PTPRG: variants seen among roughly 807,000 people sequenced by gnomAD.
PTPRG encodes receptor-type tyrosine-protein phosphatase gamma.
In PTPRG, 102 loss-of-function variants were observed where a neutral mutation model predicts 165.3. The ratio of observed to expected loss-of-function variants is 0.62; its 90% CI spans 0.53 to 0.73. PTPRG has a LOEUF of 0.73. Among genes scored for constraint, PTPRG ranks in the 30% least tolerant of loss-of-function variants. The pLI is 0.00. For missense variants in PTPRG, 1,866 were observed against 1,861.4 expected, an observed-to-expected ratio of 1.00 and a Z score of -0.05; for synonymous variants, 675 against 669.5, an observed-to-expected ratio of 1.01 and a Z score of -0.13.
chr3:61,599,524 G>C (rs1176060554), intron 1 of PTPRG, among the ~76,000 whole-genome samples: 3 of 152,042 alleles, frequency 2.0e-5, no homozygotes, highest in Non-Finnish European at 4.4e-5. Flanking sequence ...ACAGGGTCTA[G>C]CTCTGTCGTC....
At chr3:61,883,234 G>T (rs1051588742) in intron 2 of PTPRG, among the ~76,000 whole-genome samples, 1 of 152,126 alleles carries the variant, frequency 6.6e-6, no homozygotes, top group Non-Finnish European at 1.5e-5. Flanking sequence ...ATTATTTGCT[G>T]AACACCATGC....
In PTPRG at chr3:61,690,979, G is replaced by A. The variant is rs574363561; in HGVS notation, c.86-57899G>A. 3.3e-5 allele frequency among the ~76,000 whole-genome samples: 5 copies of A among 152,206 alleles called. No individual in the cohort carries two copies. In the South Asian group the frequency reaches 8.3e-4, roughly 25 times the overall value. Reference sequence around the variant, plus strand: ...GGGTGAATTGCTATGTTTTTACATAGACAAAATAAAACCACAGAATCCTTC... The same window carrying A: ...GGGTGAATTGCTATGTTTTTACATAAACAAAATAAAACCACAGAATCCTTC... On this transcript the variant is annotated intron_variant, in intron 1 of 29. Transcript: ENST00000474889.
chr3:61,845,907 T>TC (rs2036793147), intron 2 of PTPRG, among the ~76,000 whole-genome samples: 1 of 152,184 alleles, frequency 6.6e-6, no homozygotes. Context: ...ACCTGCCAAA[T>TC]ACCTGATAGG....
chr3:61,673,780 G>A (rs1043580402), intron 1 of PTPRG, among the ~76,000 whole-genome samples: 2 of 152,086 alleles, frequency 1.3e-5, no homozygotes, highest in African/African-American at 4.8e-5. Context: ...ACACTTGACT[G>A]GATTGGGAGG....
chr3:62,181,661 T>C (rs537213902), intron 8 of PTPRG, among the ~76,000 whole-genome samples: 55 of 152,342 alleles, frequency 3.6e-4, no homozygotes, highest in African/African-American at 1.3e-3. Flanking sequence ...CTCCTTTAGC[T>C]TATCTTCTCA....
chr3:61,735,225 T>A (rs961433573), intron 1 of PTPRG, among the ~76,000 whole-genome samples: 5 of 152,236 alleles, frequency 3.3e-5, no homozygotes, highest in African/African-American at 1.2e-4. Flanking sequence ...GTGGTTAGAA[T>A]TTTTTTAATT....
At chr3:62,093,003 TCA>T (rs1701992729) in intron 5 of PTPRG, among the ~76,000 whole-genome samples, 1 of 152,214 alleles carries the variant, frequency 6.6e-6, no homozygotes, top group Non-Finnish European at 1.5e-5. Flanking sequence ...ACAACTTTCC[TCA>T]ATCATGGCTC....
intron 8 of PTPRG, among the ~76,000 whole-genome samples, chr3:62,187,383 T>TA (rs1371756910): frequency 6.6e-6 from 1 of 152,244 alleles, no homozygotes; most frequent in Non-Finnish European, 1.5e-5. Context: ...GGCCGAAACT[T>TA]ACTCCCCACC....
chr3:61,993,227 A>AT (rs2040939829), intron 3 of PTPRG, among the ~76,000 whole-genome samples: 2 of 146,826 alleles, frequency 1.4e-5, no homozygotes, highest in South Asian at 4.3e-4. Flanking sequence ...TTATTTATTT[A>AT]TTTTTTTGAG....
chr3:61,690,846 C>T (rs902915426), intron 1 of PTPRG, among the ~76,000 whole-genome samples: 2 of 151,786 alleles, frequency 1.3e-5, no homozygotes, highest in African/African-American at 4.8e-5. Context: ...ATAGATGATA[C>T]AGTCAATGCT....
chr3:62,206,571 C>A lies in PTPRG; in HGVS notation c.2155+2621C>A, dbSNP rs1404260801. On this transcript the variant is annotated intron_variant, in intron 12 of 29. Coordinates refer to ENST00000474889, the MANE Select transcript of PTPRG (RefSeq NM_002841.4). ...ATGGTGACTGTGAGGAGGCCCCCCA[C>A]AGCCCTTTCCTTTGCTATTGTCTGT... Among the ~76,000 whole-genome samples, 67 of 152,252 alleles carry A rather than the reference C, an allele frequency of 4.4e-4. 1 individual carries two copies.
At chr3:62,116,440 T>A (rs1702872541) in intron 5 of PTPRG, among the ~76,000 whole-genome samples, 1 of 152,158 alleles carries the variant, frequency 6.6e-6, no homozygotes, top group African/African-American at 2.4e-5. Context: ...ACACAGCAAA[T>A]CATTGGATAA....
In PTPRG at chr3:62,203,482, G is replaced by A; in HGVS notation, c.1687G>A (p.Gly563Arg). The change falls in exon 12 of 30, where the codon GGG (glycine) becomes AGG (arginine). Residue 563 changes from glycine (G) to arginine (R), a missense_variant. Gly to Arg is a moderately radical substitution (Grantham distance 125, BLOSUM62 -2). Coordinates refer to ENST00000474889, the MANE Select transcript of PTPRG (RefSeq NM_002841.4). This position sits in a 1 kb window ranked among gnomAD's most constrained non-coding sequence, Gnocchi z 6.4. ...CACCACAGAGGCCTTGGCTTCTCCA[G>A]GGCCCGATGGTGATTCGTCACCAAC... ...LATTEALASP[G>R]PDGDSSPTKD... 5 of 1,572,562 alleles carry A rather than the reference G, an allele frequency of 3.2e-6. No homozygotes were observed. The highest frequency in any genetic ancestry group is 1.2e-5 in the South Asian group (1 of 86,816).
At chr3:62,205,899 A>G (rs1195673580) in intron 12 of PTPRG, among the ~76,000 whole-genome samples, 2 of 152,152 alleles carry the variant, frequency 1.3e-5, no homozygotes, top group African/African-American at 4.8e-5. Context: ...TGGAGATGAT[A>G]TAGGAAGGCA....
intron 5 of PTPRG, among the ~76,000 whole-genome samples, chr3:62,104,634 C>T (rs1235652590): frequency 2.0e-5 from 3 of 152,292 alleles, no homozygotes; most frequent in African/African-American, 7.2e-5. Context: ...TTTGTGTTTA[C>T]GCCAGTTGAG....
intron 2 of PTPRG, among the ~76,000 whole-genome samples, chr3:61,910,287 C>T (rs190174582): frequency 8.5e-4 from 129 of 152,234 alleles, no homozygotes; most frequent in African/African-American, 2.9e-3. Context: ...TGTTTGTTGC[C>T]GAATGTCACC....
intron 2 of PTPRG, among the ~76,000 whole-genome samples, chr3:61,846,474 T>G (rs1559646091): frequency 6.6e-6 from 1 of 152,146 alleles, no homozygotes; most frequent in Admixed American, 6.5e-5. Flanking sequence ...ACTCTGAGGC[T>G]CATTGACCTT....
intron 1 of PTPRG, among the ~76,000 whole-genome samples, chr3:61,681,654 A>G (rs1703444527): frequency 1.3e-5 from 2 of 152,094 alleles, no homozygotes; most frequent in African/African-American, 4.8e-5. Context: ...TGCCCCATGG[A>G]ATTTCTATAG....
At chr3:62,146,982 A>G (rs1305755785) in intron 6 of PTPRG, among the ~76,000 whole-genome samples, 2 of 152,202 alleles carry the variant, frequency 1.3e-5, no homozygotes, top group Admixed American at 6.5e-5. Flanking sequence ...TGCTGGGGAT[A>G]AGGTCAGGAG....
Sources: gnomAD v4.1 joint callset for allele counts (sites outside exome capture counted in the v4.1 genomes callset) on GRCh38, gnomAD v4.1.1 for gene constraint, Gnocchi (gnomAD v3.1) non-coding constraint, MANE v1.5 for transcripts, NCBI Gene and HGNC (gene_info 2026-07-23, HGNC 2026-07-21) for gene names.